The following GPHN variants were observed in gnomAD, a reference collection of about 807,000 sequenced individuals.
The protein encoded by GPHN is gephyrin.
A neutral mutation model predicts 95.5 loss-of-function variants in GPHN; 17 were observed. The observed-to-expected ratio is 0.18, with a 90% CI of 0.12 to 0.27. The LOEUF is 0.27. GPHN is among the 10% of genes least tolerant of loss of function. The pLI, the probability that GPHN is intolerant of heterozygous loss-of-function variation, is 1.00. For missense variants in GPHN, 660 were observed against 978.1 expected (o/e 0.67, Z 4.34); for synonymous variants, 320 against 322.5 (o/e 0.99, Z 0.08).
chr14:66,545,877 T>A (rs1041746093), intron 1 of GPHN, among the ~76,000 whole-genome samples: 3 of 145,386 alleles, frequency 2.1e-5, no homozygotes, highest in African/African-American at 7.8e-5. Context: ...CCCCCCCACC[T>A]CCCTCCTGGA....
intron 1 of GPHN, among the ~76,000 whole-genome samples, chr14:66,553,165 A>G (rs1270740737): frequency 2.6e-5 from 4 of 151,232 alleles, no homozygotes; most frequent in East Asian, 2.0e-4. Flanking sequence ...AATTTTTTCT[A>G]TTTTTATTAG....
intron 4 of GPHN, 144 bp from the exon 5 acceptor site, chr14:66,879,795 C>T (rs2063844452): frequency 1.5e-6 from 1 of 670,768 alleles, no homozygotes; most frequent in Non-Finnish European, 2.7e-6. Flanking sequence ...AGTCTGGATG[C>T]CTCAAAAAGA....
chr14:66,678,991 G>A (rs1214362881), intron 1 of GPHN, among the ~76,000 whole-genome samples: 1 of 152,210 alleles, frequency 6.6e-6, no homozygotes, highest in Non-Finnish European at 1.5e-5. Context: ...TTAGCAGTGG[G>A]TTGTTCTTGG....
the GPHN span, among the ~76,000 whole-genome samples, chr14:67,324,386 T>C: frequency 6.6e-6 from 1 of 152,234 alleles, no homozygotes; most frequent in African/African-American, 2.4e-5. Flanking sequence ...GGTAACTCTG[T>C]CAGGTGACTT....
chr14:67,070,859 T>C (rs1163035589), intron 11 of GPHN, among the ~76,000 whole-genome samples: 1 of 151,804 alleles, frequency 6.6e-6, no homozygotes, highest in East Asian at 1.9e-4. Context: ...AGCTATGTAA[T>C]TGAATAAAAT....
chr14:67,064,322 G>A (rs1267048146), intron 11 of GPHN, among the ~76,000 whole-genome samples: 3 of 152,102 alleles, frequency 2.0e-5, no homozygotes, highest in East Asian at 1.9e-4. Flanking sequence ...ATGGGCTGCC[G>A]GATTCGGTTT....
intron 2 of GPHN, among the ~76,000 whole-genome samples, chr14:66,687,905 T>G (rs1375973241): frequency 1.3e-5 from 2 of 152,286 alleles, no homozygotes; most frequent in Non-Finnish European, 2.9e-5. Flanking sequence ...CCCACTTGGT[T>G]AAATTTATTT....
chr14:66,604,252 T>G (rs569997141), intron 1 of GPHN, among the ~76,000 whole-genome samples: 1 of 152,174 alleles, frequency 6.6e-6, no homozygotes, highest in Non-Finnish European at 1.5e-5. Flanking sequence ...CCTGCATTTG[T>G]AAACATCTAC....
chr14:67,152,139 A>G (rs1218664162), intron 18 of GPHN, among the ~76,000 whole-genome samples: 2 of 152,110 alleles, frequency 1.3e-5, no homozygotes, highest in Admixed American at 6.6e-5. Context: ...TTGTAAATAA[A>G]TTTAGTTGTT....
the GPHN span, among the ~76,000 whole-genome samples, chr14:67,231,727 G>A: frequency 6.6e-6 from 1 of 152,132 alleles, no homozygotes; most frequent in Admixed American, 6.6e-5. Flanking sequence ...CAGCACTTTG[G>A]GAGGCCGAGG....
intron 8 of GPHN, among the ~76,000 whole-genome samples, chr14:66,959,156 C>T (rs939724239): frequency 6.6e-6 from 1 of 152,000 alleles, no homozygotes; most frequent in African/African-American, 2.4e-5. Flanking sequence ...ATATTGTATG[C>T]CTGTCAACAT....
At chr14:66,769,064 T>C (rs978265163) in intron 2 of GPHN, among the ~76,000 whole-genome samples, 10 of 152,072 alleles carry the variant, frequency 6.6e-5, no homozygotes, top group African/African-American at 2.4e-4. Context: ...CTTTAATAAG[T>C]ATACTGAAGT....
chr14:66,529,342 G>T (rs2058819979), intron 1 of GPHN, among the ~76,000 whole-genome samples: 1 of 151,858 alleles, frequency 6.6e-6, no homozygotes, highest in Admixed American at 6.6e-5. Flanking sequence ...CTCTAAACTG[G>T]TTATTCTAGT....
intron 1 of GPHN, among the ~76,000 whole-genome samples, chr14:66,676,089 G>T (rs902749029): frequency 6.6e-6 from 1 of 151,690 alleles, no homozygotes; most frequent in Non-Finnish European, 1.5e-5. Flanking sequence ...GTGGGATTTG[G>T]GTTTCTAGTT....
the GPHN span, among the ~76,000 whole-genome samples, chr14:67,245,029 A>T: frequency 6.6e-6 from 1 of 152,236 alleles, no homozygotes; most frequent in African/African-American, 2.4e-5. Flanking sequence ...GGAGGAGAGC[A>T]GGCCACAAAC....
chr14:67,217,895 G>GA, the GPHN span, among the ~76,000 whole-genome samples: 4 of 152,046 alleles, frequency 2.6e-5, no homozygotes, highest in Non-Finnish European at 4.4e-5. Flanking sequence ...GCATCTAATG[G>GA]AAAAAATGCC....
At chr14:66,846,943 A>G (rs2062364219) in intron 4 of GPHN, among the ~76,000 whole-genome samples, 2 of 152,158 alleles carry the variant, frequency 1.3e-5, no homozygotes, top group Non-Finnish European at 2.9e-5. Context: ...AAAACTCACT[A>G]AAATTCCTGC....
downstream of GPHN, among the ~76,000 whole-genome samples, chr14:67,183,256 G>T (rs2083348191): frequency 6.6e-6 from 1 of 152,048 alleles, no homozygotes; most frequent in African/African-American, 2.4e-5. Context: ...TGTTTATTTT[G>T]TTCACTCCAG....
the GPHN span, among the ~76,000 whole-genome samples, chr14:67,428,813 T>TC: frequency 2.3e-3 from 354 of 152,284 alleles, no homozygotes; most frequent in Non-Finnish European, 3.1e-3. Flanking sequence ...CCTGAAGCTC[T>TC]CCCCACTGCT....
Sources: allele counts gnomAD v4.1 joint callset (sites outside exome capture counted in the v4.1 genomes callset), GRCh38; gene constraint gnomAD v4.1.1; transcripts MANE v1.5; gene names NCBI Gene and HGNC (gene_info 2026-07-23, HGNC 2026-07-21).